The following STAG1 variants were observed in gnomAD, a reference collection of about 807,000 sequenced individuals.
STAG1 encodes STAG1 cohesin complex component.
A neutral mutation model predicts 170.9 loss-of-function variants in STAG1; 26 were observed. That is an observed-to-expected ratio of 0.15 (90% CI 0.11 to 0.21). STAG1 has a LOEUF of 0.21. Ranked by LOEUF, STAG1 falls within the 10% of genes least tolerant of loss-of-function variation. The pLI, the probability that STAG1 is intolerant of heterozygous loss-of-function variation, is 1.00. For synonymous variants in STAG1, 514 were observed against 497.7 expected (o/e 1.03, Z -0.44); for missense variants, 964 against 1,509.5 (o/e 0.64, Z 5.99).
intron 2 of STAG1, among the ~76,000 whole-genome samples, chr3:136,628,800 C>T (rs1001369472): frequency 2.6e-5 from 4 of 152,168 alleles, no homozygotes; most frequent in Non-Finnish European, 5.9e-5. Context: ...ACCTAGTAGG[C>T]TTCCCGGAAT....
intron 1 of STAG1, among the ~76,000 whole-genome samples, chr3:136,723,825 G>A (rs1361260707): frequency 2.0e-5 from 3 of 147,432 alleles, no homozygotes; most frequent in African/African-American, 5.0e-5. Flanking sequence ...CCGTCCGGGA[G>A]GGAGGTGGGG....
intron 11 of STAG1, among the ~76,000 whole-genome samples, chr3:136,473,191 G>C (rs1024914298): frequency 6.6e-6 from 1 of 152,152 alleles, no homozygotes; most frequent in Middle Eastern, 3.2e-3. Flanking sequence ...ATCACCCCTA[G>C]ATGGGAACAT....
intron 5 of STAG1, among the ~76,000 whole-genome samples, chr3:136,564,652 CA>C (rs1936982176): frequency 6.6e-6 from 1 of 151,888 alleles, no homozygotes; most frequent in South Asian, 2.1e-4. Context: ...GCCCCTTCAA[CA>C]AAAATGTTTT....
chr3:136,360,638 G>C (rs951436051), intron 26 of STAG1, among the ~76,000 whole-genome samples: 2 of 152,072 alleles, frequency 1.3e-5, no homozygotes, highest in African/African-American at 4.8e-5. Flanking sequence ...AGTTCTTCCA[G>C]GGATTTCAAA....
chr3:136,665,116 G>A (rs146405378), intron 1 of STAG1, among the ~76,000 whole-genome samples: 102 of 152,270 alleles, frequency 6.7e-4, no homozygotes, highest in East Asian at 3.7e-3. Flanking sequence ...TTTGGAAGAA[G>A]TAAACTTGTT....
At chr3:136,457,391 G>A (rs368536449) in intron 13 of STAG1, among the ~76,000 whole-genome samples, 7 of 152,128 alleles carry the variant, frequency 4.6e-5, no homozygotes, top group African/African-American at 1.2e-4. Context: ...CACAGATAAC[G>A]CTTGATGCAC....
At chr3:136,659,573 T>C (rs923001) in intron 1 of STAG1, among the ~76,000 whole-genome samples, 12,007 of 152,238 alleles carry the variant, frequency 0.079, 496 homozygotes, top group Non-Finnish European at 0.094. Flanking sequence ...ACACAGCACA[T>C]TATCCAAATG....
intron 7 of STAG1, among the ~76,000 whole-genome samples, chr3:136,518,929 C>T (rs895072350): frequency 3.3e-5 from 5 of 152,026 alleles, no homozygotes; most frequent in Admixed American, 2.6e-4. Flanking sequence ...AGGCAGGAGA[C>T]ACTCAATTCA....
At chr3:136,703,967 G>C (rs917528915) in intron 1 of STAG1, among the ~76,000 whole-genome samples, 8 of 151,758 alleles carry the variant, frequency 5.3e-5, no homozygotes, top group Non-Finnish European at 1.2e-4. Context: ...GGCCAAGACT[G>C]TGTCACTGCA....
At chr3:136,346,579 T>C (rs1443894255) in intron 29 of STAG1, among the ~76,000 whole-genome samples, 1 of 152,198 alleles carries the variant, frequency 6.6e-6, no homozygotes, top group Non-Finnish European at 1.5e-5. Context: ...TAATGAACAT[T>C]ATGGATAGTT....
intron 6 of STAG1, among the ~76,000 whole-genome samples, chr3:136,531,169 T>A (rs1423873093): frequency 6.6e-6 from 1 of 151,508 alleles, no homozygotes; most frequent in East Asian, 1.9e-4. Context: ...ATGCTCATCA[T>A]CACTGGCCAT....
In STAG1 at chr3:136,363,757, C is replaced by T. The variant is rs534554187; in HGVS notation, c.2686-290G>A. ...AGGAAGAGAGGTGGTGAGAAAAATT[C>T]CCCATTCTTGTTTTTTCTTGTTTGA... On this transcript the variant is annotated intron_variant, in intron 25 of 33. Transcript: ENST00000383202. Among the ~76,000 whole-genome samples, 5 of 152,082 alleles carry T rather than the reference C, an allele frequency of 3.3e-5. No homozygotes were observed. In the South Asian group the frequency reaches 1.0e-3, roughly 32 times the overall value.
At chr3:136,644,273 TTTTTCAG>T (rs1940913057) in intron 1 of STAG1, among the ~76,000 whole-genome samples, 1 of 152,070 alleles carries the variant, frequency 6.6e-6, no homozygotes, top group Admixed American at 6.5e-5. Context: ...CAACAGAAGG[TTTTTCAG>T]AATCCCACAG....
Position 136,604,458 on chromosome 3 carries a change from G to A in STAG1, c.148C>T (p.Pro50Ser). The change falls in exon 4 of 34, where the codon CCT becomes TCT. Residue 50 changes from proline (P) to serine (S), a missense_variant. Pro to Ser is a moderately conservative substitution (Grantham distance 74). Around this residue, in one of 11 missense-constraint regions of STAG1, gnomAD observed 108 missense variants for 120.2 expected, o/e 0.90. Transcript: ENST00000383202. ...CTCTTCTCACCTGGAGATTTTCGAG[G>A]TTTCTTATTTGTAGACTGAAAAAAA... ...PGRPPSTNKK[P>S]RKSPGEKSRI... 1 of 1,597,290 alleles carries A rather than the reference G, an allele frequency of 6.3e-7. No individual in the cohort carries two copies. Among genetic ancestry groups the A allele is most frequent in the Non-Finnish European group, 8.5e-7 (1 of 1,175,226 alleles).
At chr3:136,372,921 T>C (rs1937423957) in intron 23 of STAG1, among the ~76,000 whole-genome samples, 1 of 152,226 alleles carries the variant, frequency 6.6e-6, no homozygotes, top group Non-Finnish European at 1.5e-5. Flanking sequence ...TCAGAAGGAA[T>C]GGTACCAGCT....
At chr3:136,682,637 T>C (rs1417669849) in intron 1 of STAG1, among the ~76,000 whole-genome samples, 1 of 151,876 alleles carries the variant, frequency 6.6e-6, no homozygotes. Context: ...CCATTTACAA[T>C]ACCATGAAAA....
intron 4 of STAG1, among the ~76,000 whole-genome samples, chr3:136,571,754 G>C (rs1351004360): frequency 6.6e-6 from 1 of 151,720 alleles, no homozygotes; most frequent in Non-Finnish European, 1.5e-5. Flanking sequence ...GGTGGCACGT[G>C]ACCACAGTCC....
intron 23 of STAG1, among the ~76,000 whole-genome samples, chr3:136,374,073 T>C (rs2108301768): frequency 6.6e-6 from 1 of 152,286 alleles, no homozygotes; most frequent in South Asian, 2.1e-4. Context: ...TCTTGTTGAA[T>C]TGATCCCTTT....
intron 25 of STAG1, among the ~76,000 whole-genome samples, chr3:136,364,848 T>C (rs1481053354): frequency 3.9e-5 from 6 of 152,270 alleles, no homozygotes; most frequent in African/African-American, 1.4e-4. Context: ...CTCAAAAAGA[T>C]AGGTATGTTT....
Sources: allele counts gnomAD v4.1 joint callset (sites outside exome capture counted in the v4.1 genomes callset), GRCh38; gene constraint gnomAD v4.1.1; regional missense constraint gnomAD v4.1.1; transcripts MANE v1.5; gene names NCBI Gene and HGNC (gene_info 2026-07-23, HGNC 2026-07-21).